Variants in TSPAN5 observed in about 807,000 individuals in gnomAD.
The protein encoded by TSPAN5 is tetraspanin-5.
Under a neutral mutation model 37.1 loss-of-function variants are expected in TSPAN5, and 10 were observed. The ratio of observed to expected loss-of-function variants is 0.27; its 90% CI spans 0.17 to 0.46. TSPAN5 has a LOEUF of 0.46. Ranked by LOEUF, TSPAN5 falls within the 20% of genes least tolerant of loss-of-function variation. The probability of loss-of-function intolerance (pLI) is 1.00; values close to 1 mark genes in which losing one functional copy is unlikely to be tolerated. For missense variants in TSPAN5, 195 were observed against 326.6 expected, an observed-to-expected ratio of 0.60 and a Z score of 3.11; for synonymous variants, 110 against 118.9, an observed-to-expected ratio of 0.93 and a Z score of 0.48.
intron 1 of TSPAN5, among the ~76,000 whole-genome samples, chr4:98,649,482 A>G (rs1255382578): frequency 6.6e-6 from 1 of 152,214 alleles, no homozygotes; most frequent in East Asian, 1.9e-4. Flanking sequence ...TGAAGGTTTT[A>G]TTTCACTAAA....
chr4:98,585,909 A>G (rs1051576542), intron 1 of TSPAN5, among the ~76,000 whole-genome samples: 5 of 152,210 alleles, frequency 3.3e-5, no homozygotes, highest in Admixed American at 2.0e-4. Context: ...TGCAGGCTAC[A>G]TATTCAGGTG....
At chr4:98,584,562 C>T (rs986244687) in intron 1 of TSPAN5, among the ~76,000 whole-genome samples, 4 of 152,158 alleles carry the variant, frequency 2.6e-5, no homozygotes, top group African/African-American at 9.7e-5. Context: ...TATTACACAC[C>T]ATCTTCTACT....
intron 1 of TSPAN5, among the ~76,000 whole-genome samples, chr4:98,554,543 T>C: frequency 6.6e-6 from 1 of 152,232 alleles, no homozygotes. Context: ...TAAAATTCAC[T>C]GTGGAATAAT....
chr4:98,643,522 C>A (rs755309645), intron 1 of TSPAN5, among the ~76,000 whole-genome samples: 4 of 152,088 alleles, frequency 2.6e-5, no homozygotes, highest in Non-Finnish European at 5.9e-5. Flanking sequence ...ATATATTTCA[C>A]AAAATATATT....
intron 1 of TSPAN5, among the ~76,000 whole-genome samples, chr4:98,611,671 CAATTGTGCCTTACCAGGT>C (rs1756194821): frequency 6.6e-6 from 1 of 152,206 alleles, no homozygotes; most frequent in South Asian, 2.1e-4. Flanking sequence ...ATCATAGTTT[CAATTGTGCCTTACCAGGT>C]AAGAACAGGG....
chr4:98,652,720 G>A (rs1026998819), intron 1 of TSPAN5, among the ~76,000 whole-genome samples: 4 of 152,140 alleles, frequency 2.6e-5, no homozygotes, highest in African/African-American at 7.2e-5. Flanking sequence ...TCTTTGGGGT[G>A]CTTACAAGAA....
chr4:98,496,936 C>T (rs1452633723), intron 2 of TSPAN5, among the ~76,000 whole-genome samples: 4 of 152,092 alleles, frequency 2.6e-5, no homozygotes, highest in South Asian at 2.1e-4. Flanking sequence ...CCTAAGCCCC[C>T]GTGTGGTAGT....
chr4:98,548,886 G>GGTGTGTGTGTGTGT (rs142527701), intron 1 of TSPAN5, among the ~76,000 whole-genome samples: 7 of 57,342 alleles, frequency 1.2e-4, no homozygotes, highest in Non-Finnish European at 2.0e-4. Context: ...AGTATTCCAA[G>GGTGTGTGTGTGTGT]GTGTGTGTGT....
At chr4:98,582,118 G>T (rs776254472) in intron 1 of TSPAN5, among the ~76,000 whole-genome samples, 18 of 152,196 alleles carry the variant, frequency 1.2e-4, no homozygotes, top group African/African-American at 3.9e-4. Flanking sequence ...AGGTGGAATC[G>T]TTAAACAGAG....
At chr4:98,582,296 C>T (rs1225804889) in intron 1 of TSPAN5, among the ~76,000 whole-genome samples, 1 of 152,202 alleles carries the variant, frequency 6.6e-6, no homozygotes. Context: ...AACCTGGTGC[C>T]ATCCCCACTG....
rs1204813183 is a variant in TSPAN5 at position 98,592,421 on chromosome 4, G to GTTTTTTTTTTT, written c.81+65724_81+65725insAAAAAAAAAAA. Among the ~76,000 whole-genome samples, 147 of 95,188 alleles carry GTTTTTTTTTTT rather than the reference G, an allele frequency of 1.5e-3. 10 individuals are homozygous for GTTTTTTTTTTT. The highest frequency in any genetic ancestry group is 6.1e-3 in the African/African-American group (139 of 22,698). 62.4% of individuals were successfully genotyped at this position (95,188 alleles called of 152,430 possible). ...TGGTTTACCTAACTAAGGGATCTCT[G>GTTTTTTTTTTT]TTTTTTGTTTTTTTTTTTTTTTTTT... On this transcript the variant is annotated intron_variant, in intron 1 of 7. Transcript: ENST00000305798.
rs568476165 is a variant in TSPAN5, at chr4:98,621,174, T to C, written c.81+36972A>G. Among the ~76,000 whole-genome samples, 273 of 152,152 alleles carry C rather than the reference T, an allele frequency of 1.8e-3. 1 individual carries two copies. In the Middle Eastern group the frequency reaches 0.034, roughly 19 times the overall value. On this transcript the variant is annotated intron_variant, in intron 1 of 7. Coordinates refer to ENST00000305798, the MANE Select transcript of TSPAN5 (RefSeq NM_005723.4). ...TACACCACGGAATGACAAAGATGGC[T>C]GGCAAACCACTATAAGCTAGGGGAG... is the stretch of plus-strand genomic sequence containing the variant.
At chr4:98,645,840 C>T (rs973257930) in intron 1 of TSPAN5, among the ~76,000 whole-genome samples, 1 of 152,166 alleles carries the variant, frequency 6.6e-6, no homozygotes, top group African/African-American at 2.4e-5. Flanking sequence ...TTTAAATACG[C>T]TTCTGTTCCT....
At chr4:98,515,319 T>C (rs540306795) in intron 1 of TSPAN5, among the ~76,000 whole-genome samples, 2 of 152,282 alleles carry the variant, frequency 1.3e-5, no homozygotes, top group South Asian at 4.2e-4. Context: ...AGCAATTGTG[T>C]GTGTTGATGT....
intron 2 of TSPAN5, among the ~76,000 whole-genome samples, chr4:98,487,121 G>C (rs554568479): frequency 1.7e-4 from 26 of 149,196 alleles, no homozygotes; most frequent in South Asian, 1.1e-3. Context: ...GAAACAAAAG[G>C]GAGGAAGGGA....
At chr4:98,589,762 T>G (rs547256852) in intron 1 of TSPAN5, among the ~76,000 whole-genome samples, 1 of 152,294 alleles carries the variant, frequency 6.6e-6, no homozygotes, top group South Asian at 2.1e-4. Flanking sequence ...TGAAAACCAT[T>G]TTCTCTGACC....
chr4:98,632,100 C>T (rs1043271987), intron 1 of TSPAN5, among the ~76,000 whole-genome samples: 4 of 152,188 alleles, frequency 2.6e-5, no homozygotes, highest in African/African-American at 9.6e-5. Context: ...GTCCTTGACC[C>T]CTTCCAGTTG....
In TSPAN5 at chr4:98,595,644, C is replaced by G. The variant is rs1296734142; in HGVS notation, c.81+62502G>C. ...GATTCTGGTATGTGGTGTCTTTGCT[C>G]TCGTTGGTTTCGAAGAACATCTTTA... is the stretch of plus-strand genomic sequence containing the variant. On this transcript the variant is annotated intron_variant, in intron 1 of 7. Transcript: ENST00000305798. 4.5e-5 allele frequency among the ~76,000 whole-genome samples: 6 copies of G among 134,716 alleles called. No homozygotes were observed. The Admixed American group carries it at 4.5e-4, about 10-fold the overall frequency. 88.4% of individuals were successfully genotyped at this position (134,716 alleles called of 152,430 possible).
intron 1 of TSPAN5, among the ~76,000 whole-genome samples, chr4:98,540,370 T>G (rs1017600683): frequency 6.6e-6 from 1 of 151,888 alleles, no homozygotes; most frequent in East Asian, 1.9e-4. Context: ...GGAGTCTCAC[T>G]GTTGTAGCCC....
Sources: gnomAD v4.1 joint callset for allele counts (sites outside exome capture counted in the v4.1 genomes callset) on GRCh38, gnomAD v4.1.1 for gene constraint, MANE v1.5 for transcripts, NCBI Gene and HGNC (gene_info 2026-07-23, HGNC 2026-07-21) for gene names.